The following CUEDC1 variants were observed in gnomAD, a reference collection of about 807,000 sequenced individuals.
The protein encoded by CUEDC1 is CUE domain-containing protein 1.
Under a neutral mutation model 43.7 loss-of-function variants are expected in CUEDC1, and 30 were observed. The observed-to-expected ratio is 0.69, with a 90% CI of 0.51 to 0.93. The LOEUF is 0.93. Among genes scored for constraint, CUEDC1 ranks in the 40% least tolerant of loss-of-function variants. The pLI is 0.00. For synonymous variants in CUEDC1, 223 were observed against 223.6 expected, an observed-to-expected ratio of 1.00 and a Z score of 0.02; for missense variants, 486 against 549.0, an observed-to-expected ratio of 0.89 and a Z score of 1.15.
At chr17:57,897,528 G>A (rs1490473382) in intron 1 of CUEDC1, among the ~76,000 whole-genome samples, 1 of 151,824 alleles carries the variant, frequency 6.6e-6, no homozygotes, top group East Asian at 1.9e-4. Flanking sequence ...AAATTAGCCG[G>A]GTGTGGTGGC....
In CUEDC1 at chr17:57,875,255, G is replaced by T. The variant is rs114147714; in HGVS notation, c.465-1538C>A. 3.3e-3 allele frequency among the ~76,000 whole-genome samples: 506 copies of T among 152,270 alleles called. 2 individuals are homozygous for T. The highest frequency in any genetic ancestry group is 0.012 in the African/African-American group (486 of 41,542). ...CTCAGGGTCTTCATCTGGGACATGG[G>T]TGCCCACCCCCAATTTAACCACACC... On this transcript the variant is annotated intron_variant, in intron 3 of 10. Transcript: ENST00000577830.
At chr17:57,907,493 C>A (rs927412852) in intron 1 of CUEDC1, among the ~76,000 whole-genome samples, 6 of 152,046 alleles carry the variant, frequency 3.9e-5, no homozygotes, top group African/African-American at 7.2e-5. Context: ...TAAGAGGACC[C>A]TATTTACATC....
intron 1 of CUEDC1, among the ~76,000 whole-genome samples, chr17:57,940,806 T>G (rs1194646769): frequency 2.6e-5 from 4 of 152,132 alleles, no homozygotes; most frequent in Non-Finnish European, 5.9e-5. Flanking sequence ...AAAAATACAA[T>G]AACTACCCTT....
chr17:57,927,392 G>A (rs1292979048), intron 1 of CUEDC1, among the ~76,000 whole-genome samples: 11 of 128,840 alleles, frequency 8.5e-5, no homozygotes, highest in Admixed American at 1.6e-4. Context: ...AGCCTAGGGA[G>A]AAAGAAAAAA....
chr17:57,935,577 C>G (rs943418606), intron 1 of CUEDC1, among the ~76,000 whole-genome samples: 1 of 152,048 alleles, frequency 6.6e-6, no homozygotes, highest in Non-Finnish European at 1.5e-5. Flanking sequence ...AGGCCCGCCC[C>G]ATCCCCGCTG....
At chr17:57,905,288 A>ACACACACACACACACT (rs1555565858) in intron 1 of CUEDC1, among the ~76,000 whole-genome samples, 1 of 150,582 alleles carries the variant, frequency 6.6e-6, no homozygotes, top group East Asian at 1.9e-4. Context: ...ACACACACAC[A>ACACACACACACACACT]CACTCCAGCC....
chr17:57,867,513 G>C, intron 8 of CUEDC1, 98 bp from the exon 9 acceptor site: 1 of 1,138,224 alleles, frequency 8.8e-7, no homozygotes, highest in South Asian at 1.3e-5. Flanking sequence ...CAAAGCTCTG[G>C]AGGTACCTGA....
chr17:57,867,253 C>T (rs1480179240), intron 9 of CUEDC1, 104 bp downstream of exon 9: 7 of 1,076,272 alleles, frequency 6.5e-6, no homozygotes, highest in African/African-American at 3.1e-5. Flanking sequence ...TCAGTGTGTT[C>T]CTCCAGGGGA....
intron 1 of CUEDC1, among the ~76,000 whole-genome samples, chr17:57,887,655 C>CTTTTTGTTTTTT (rs2074308240): frequency 1.7e-5 from 1 of 58,032 alleles, no homozygotes; most frequent in African/African-American, 6.9e-5. Context: ...CCACGCCTGG[C>CTTTTTGTTTTTT]TTTTTTTTTT....
At position 57,953,435 on chromosome 17, in the gene CUEDC1, T is replaced by C. The variant is rs74325505; in HGVS notation, c.-316+1790A>G. ...AGCCCAAAGTTGCATAGGGAGGTCA[T>C]GAGAAAAGACCTTAGAAGCAGTCTG... On this transcript the variant is annotated intron_variant, in intron 1 of 10. Transcript: ENST00000577830. Among the ~76,000 whole-genome samples, 1,222 of 152,224 alleles carry C rather than the reference T, an allele frequency of 8.0e-3. 4 individuals carry two copies. Among genetic ancestry groups the C allele is most frequent in the Non-Finnish European group, 0.013 (863 of 68,006 alleles).
intron 7 of CUEDC1, 50 bp from the exon 8 acceptor site, chr17:57,868,293 G>C: frequency 2.0e-6 from 3 of 1,530,292 alleles, no homozygotes; most frequent in Non-Finnish European, 2.7e-6. Flanking sequence ...CAGCACACCA[G>C]ATGGCCTCCT....
intron 1 of CUEDC1, among the ~76,000 whole-genome samples, chr17:57,929,300 G>A (rs960271483): frequency 1.8e-4 from 27 of 152,078 alleles, no homozygotes; most frequent in Non-Finnish European, 8.8e-5. Context: ...ACAAAATTAA[G>A]CCCCAGAGAG....
At chr17:57,893,405 C>T (rs1487600733) in intron 1 of CUEDC1, among the ~76,000 whole-genome samples, 1 of 144,940 alleles carries the variant, frequency 6.9e-6, no homozygotes, top group African/African-American at 2.5e-5. Context: ...ACGCCTTGTC[C>T]TCCTGCCCCT....
In CUEDC1 at chr17:57,954,636, GA is replaced by G. The variant is rs1173605949; in HGVS notation, c.-316+588del. Among the ~76,000 whole-genome samples the G allele has an allele frequency of 1.3e-5, 2 of 152,070 alleles. No individual in the cohort carries two copies. The highest frequency in any genetic ancestry group is 1.3e-4 in the Admixed American group (2 of 15,270). ...CAACTTTCCCTGGCCGAGCTGACGG[GA>G]GATACAGCTCCCAGGGGACCGGGAG... On this transcript the variant is annotated intron_variant, in intron 1 of 10. Coordinates refer to ENST00000577830, the MANE Select transcript of CUEDC1 (RefSeq NM_001271875.2). This position sits in a 1 kb window ranked among gnomAD's most constrained non-coding sequence, Gnocchi z 4.3.
At chr17:57,867,051 T>C (rs1416766407) in intron 9 of CUEDC1, 4 of 477,284 alleles carry the variant, frequency 8.4e-6, no homozygotes, top group Non-Finnish European at 1.2e-5. Flanking sequence ...GGGTCCCCCA[T>C]GGGGGCAGGC....
At chr17:57,926,914 A>T (rs1190112137) in intron 1 of CUEDC1, among the ~76,000 whole-genome samples, 1 of 152,138 alleles carries the variant, frequency 6.6e-6, no homozygotes, top group Non-Finnish European at 1.5e-5. Context: ...GAAAGGAATG[A>T]CTCAGACAGG....
chr17:57,912,736 G>C (rs1329305547), intron 1 of CUEDC1, among the ~76,000 whole-genome samples: 2 of 152,192 alleles, frequency 1.3e-5, no homozygotes, highest in East Asian at 1.9e-4. Flanking sequence ...ACTCAGGGAA[G>C]CTCCATCAAT....
chr17:57,882,751 T>G (rs1340137103), intron 2 of CUEDC1, among the ~76,000 whole-genome samples: 1 of 152,186 alleles, frequency 6.6e-6, no homozygotes, highest in East Asian at 1.9e-4. Context: ...ACTTAATGAG[T>G]AGAAAATATA....
At chr17:57,921,393 C>T (rs2074697154) in intron 1 of CUEDC1, among the ~76,000 whole-genome samples, 1 of 152,180 alleles carries the variant, frequency 6.6e-6, no homozygotes, top group Non-Finnish European at 1.5e-5. Context: ...GAAACATTCA[C>T]CCTCACTCAT....
Sources: allele counts gnomAD v4.1 joint callset (sites outside exome capture counted in the v4.1 genomes callset), GRCh38; gene constraint gnomAD v4.1.1; non-coding constraint Gnocchi (gnomAD v3.1); transcripts MANE v1.5; gene names NCBI Gene and HGNC (gene_info 2026-07-23, HGNC 2026-07-21).